JAKMIP3: variants seen among roughly 807,000 people sequenced by gnomAD.
The protein encoded by JAKMIP3 is janus kinase and microtubule-interacting protein 3.
JAKMIP3 carries 58 observed loss-of-function variants against 118.5 expected under a neutral mutation model. That is an observed-to-expected ratio of 0.49 (90% CI 0.40 to 0.61). JAKMIP3 has a LOEUF of 0.61. Ranked by LOEUF, JAKMIP3 falls within the 20% of genes least tolerant of loss-of-function variation. The pLI, the probability that JAKMIP3 is intolerant of heterozygous loss-of-function variation, is 0.00. For synonymous variants in JAKMIP3, 486 were observed against 451.2 expected (o/e 1.08, Z -0.98); for missense variants, 950 against 1,109.0 (o/e 0.86, Z 2.04).
rs944552630 is a variant in JAKMIP3 at position 132,139,199 on chromosome 10, A to T, written c.1344+1021A>T. The stretch of plus-strand genomic sequence containing the variant: ...ATGTGTCTGTGTATGTGTGTGTATG[A>T]GTGTGTGTGTGTATGTGTGTACATG... On this transcript the variant is annotated intron_variant, in intron 9 of 23. Transcript: ENST00000684848. 2.8e-3 allele frequency among the ~76,000 whole-genome samples: 153 copies of T among 55,314 alleles called. 1 individual carries two copies. Among genetic ancestry groups the T allele is most frequent in the African/African-American group, 9.4e-3 (121 of 12,814 alleles). The allele number at this position is 55,314 out of a possible 152,430, so 36.3% of individuals were successfully genotyped here.
Position 132,058,808 on chromosome 10 carries a change from G to T in JAKMIP3, c.-138+22070G>T, listed in dbSNP as rs11146136. On this transcript the variant is annotated intron_variant, in intron 1 of 23. Coordinates refer to the JAKMIP3 transcript ENST00000657785. ...GGATAAATCCACCGTATGTTCAAGC[G>T]ATCAAAAATGCATAAAGTACCCCGG... Among the ~76,000 whole-genome samples, 1,523 of 152,344 alleles carry T rather than the reference G, an allele frequency of 1.0e-2. 131 individuals carry two copies. The East Asian group carries it at 0.22, about 22-fold the overall frequency.
intron 13 of JAKMIP3, among the ~76,000 whole-genome samples, chr10:132,146,360 C>T (rs1589944702): frequency 6.6e-6 from 1 of 152,240 alleles, no homozygotes; most frequent in South Asian, 2.1e-4. Flanking sequence ...GTCACAGCAC[C>T]GAGGGCCCTA....
In JAKMIP3 at chr10:132,121,574, A is replaced by C. The variant is rs143479724; in HGVS notation, c.633+4000A>C. Among the ~76,000 whole-genome samples the C allele has an allele frequency of 7.2e-3, 1,094 of 152,254 alleles. 3 individuals carry two copies. Among genetic ancestry groups the C allele is most frequent in the Non-Finnish European group, 0.012 (796 of 68,014 alleles). On this transcript the variant is annotated intron_variant, in intron 3 of 23. Transcript: ENST00000684848. ...CTCTGGGAGGAATCGATCTTTGCTC[A>C]CGGTCAGACATTGCTCCCTCGAGAG...
intron 1 of JAKMIP3, among the ~76,000 whole-genome samples, chr10:132,086,339 T>G (rs2042393429): frequency 6.6e-6 from 1 of 152,222 alleles, no homozygotes; most frequent in South Asian, 2.1e-4. Context: ...TCTGCAGTCG[T>G]TGGGTAGAAT....
intron 19 of JAKMIP3, 64 bp downstream of exon 19, chr10:132,154,054 CA>C: frequency 4.7e-6 from 7 of 1,487,180 alleles, no homozygotes; most frequent in Non-Finnish European, 6.5e-6. Flanking sequence ...CCACGTGGCT[CA>C]GGTGCCCAGC....
chr10:132,073,440 C>T (rs1369769519), intron 1 of JAKMIP3, among the ~76,000 whole-genome samples: 1 of 152,066 alleles, frequency 6.6e-6, no homozygotes, highest in Non-Finnish European at 1.5e-5. Flanking sequence ...CCACCTCAGC[C>T]TCCCAAAGTG....
intron 19 of JAKMIP3, among the ~76,000 whole-genome samples, chr10:132,158,369 A>AC (rs1428406800): frequency 1.3e-5 from 2 of 152,162 alleles, no homozygotes; most frequent in African/African-American, 4.8e-5. Context: ...CATCCCATGG[A>AC]CACCCCATGG....
intron 1 of JAKMIP3, among the ~76,000 whole-genome samples, chr10:132,057,032 C>A (rs2038256117): frequency 6.6e-6 from 1 of 152,142 alleles, no homozygotes; most frequent in Non-Finnish European, 1.5e-5. Flanking sequence ...GGCTCTCAGC[C>A]TATATCCCAC....
intron 1 of JAKMIP3, among the ~76,000 whole-genome samples, chr10:132,058,786 T>A (rs1424695534): frequency 2.0e-5 from 3 of 152,212 alleles, no homozygotes; most frequent in Non-Finnish European, 4.4e-5. Context: ...TATGTCTGGA[T>A]AAATCCACCG....
At position 132,049,552 on chromosome 10, in the gene JAKMIP3, G is replaced by C. The variant is rs1327275131; in HGVS notation, c.-138+12814G>C. 1.3e-5 allele frequency among the ~76,000 whole-genome samples: 2 copies of C among 151,598 alleles called. No homozygotes were observed. Among genetic ancestry groups the C allele is most frequent in the African/African-American group, 4.9e-5 (2 of 41,200 alleles). ...TCATTTCTCTGATTTTTTGCCCTAAGCTGTTGAATTCCTAAATCGGGGTGT... is the reference window on the plus strand; with the variant it reads ...TCATTTCTCTGATTTTTTGCCCTAACCTGTTGAATTCCTAAATCGGGGTGT... On this transcript the variant is annotated intron_variant, in intron 1 of 23. Coordinates refer to the JAKMIP3 transcript ENST00000657785. This position sits in a 1 kb window ranked among gnomAD's most constrained non-coding sequence, Gnocchi z 4.3.
chr10:132,103,594 G>C (rs540540064), intron 1 of JAKMIP3, among the ~76,000 whole-genome samples: 1 of 152,016 alleles, frequency 6.6e-6, no homozygotes, highest in Non-Finnish European at 1.5e-5. Context: ...CACCAGCCTC[G>C]TCTAATCACC....
At chr10:132,154,815 T>TGCTGGC (rs2056807865) in intron 19 of JAKMIP3, among the ~76,000 whole-genome samples, 1 of 134,716 alleles carries the variant, frequency 7.4e-6, no homozygotes, top group Admixed American at 7.7e-5. Context: ...GTGATGATTG[T>TGCTGGC]GCTGGCAATG....
chr10:132,180,656 T>C (rs1301426196), intron 23 of JAKMIP3, among the ~76,000 whole-genome samples: 953 of 16,282 alleles, frequency 0.059, 145 homozygotes, highest in East Asian at 0.25. Flanking sequence ...CGTGTGCGTG[T>C]GCGTGTGTGC....
chr10:132,048,856 A>G (rs968154688), intron 1 of JAKMIP3, among the ~76,000 whole-genome samples: 5 of 151,910 alleles, frequency 3.3e-5, no homozygotes, highest in African/African-American at 1.2e-4. Context: ...TAGCCAGGAT[A>G]GTCTCGATCT....
intron 1 of JAKMIP3, among the ~76,000 whole-genome samples, chr10:132,078,734 G>A (rs2041272520): frequency 6.6e-6 from 1 of 152,156 alleles, no homozygotes; most frequent in Non-Finnish European, 1.5e-5. Flanking sequence ...TTGGACTAGA[G>A]AATTGTTTTT....
At chr10:132,138,293 T>C in intron 9 of JAKMIP3, 115 bp downstream of exon 9, 1 of 848,056 alleles carries the variant, frequency 1.2e-6, no homozygotes, top group African/African-American at 2.1e-5. Context: ...CCGGTGTACG[T>C]GGAGGGCGCT....
At chr10:132,124,475 G>GTCCATTGCCACACACA (rs1429844272) in intron 3 of JAKMIP3, among the ~76,000 whole-genome samples, 1 of 143,200 alleles carries the variant, frequency 7.0e-6, no homozygotes, top group African/African-American at 2.6e-5. Context: ...CGCCATACAC[G>GTCCATTGCCACACACA]TCCATTGCCA....
Position 132,136,096 on chromosome 10 carries a change from C to T in JAKMIP3, c.1116+20C>T. ...GAAATGGTGAGGGGGTGGGGGGCTC[C>T]ACGGGGCCACGGTCGCACCCGAGCT... On this transcript the variant is annotated intron_variant, in intron 6 of 23. Coordinates refer to ENST00000684848, the MANE Select transcript of JAKMIP3 (RefSeq NM_001323087.2). The T allele has an allele frequency of 6.2e-7, 1 of 1,611,188 alleles. No homozygotes were observed. The highest frequency in any genetic ancestry group is 8.5e-7 in the Non-Finnish European group (1 of 1,178,820).
rs141849307 is a variant in JAKMIP3, at chr10:132,148,057, G to A, written c.1848+7G>A. 129 of 1,593,668 alleles carry A rather than the reference G, an allele frequency of 8.1e-5. No individual in the cohort carries two copies. In the African/African-American group the frequency reaches 1.6e-3, roughly 20 times the overall value. On this transcript the variant is annotated splice_region_variant and intron_variant, in intron 14 of 23. Coordinates refer to ENST00000684848, the MANE Select transcript of JAKMIP3 (RefSeq NM_001323087.2). ...CAGGATCCTGGAGCTTGAGGTAGCTGAGTGGATGGCCAGCACTGTGGCCTG... is the reference window on the plus strand; with the variant it reads ...CAGGATCCTGGAGCTTGAGGTAGCTAAGTGGATGGCCAGCACTGTGGCCTG...
Sources: gnomAD v4.1 joint callset for allele counts (sites outside exome capture counted in the v4.1 genomes callset) on GRCh38, gnomAD v4.1.1 for gene constraint, Gnocchi (gnomAD v3.1) non-coding constraint, MANE v1.5 for transcripts, NCBI Gene and HGNC (gene_info 2026-07-23, HGNC 2026-07-21) for gene names.